SHOC2: variants seen among roughly 807,000 people sequenced by gnomAD.
SHOC2 encodes the protein leucine-rich repeat protein SHOC-2.
A neutral mutation model predicts 50.2 loss-of-function variants in SHOC2; 4 were observed. That is an observed-to-expected ratio of 0.08 (90% CI 0.04 to 0.18). SHOC2 has a LOEUF of 0.18. Ranked by LOEUF, SHOC2 falls within the 10% of genes least tolerant of loss-of-function variation. The probability of loss-of-function intolerance (pLI) is 1.00; values close to 1 mark genes in which losing one functional copy is unlikely to be tolerated. For missense variants in SHOC2, 388 were observed against 669.6 expected, an observed-to-expected ratio of 0.58 and a Z score of 4.64; for synonymous variants, 218 against 244.5, an observed-to-expected ratio of 0.89 and a Z score of 1.01.
intron 2 of SHOC2, among the ~76,000 whole-genome samples, chr10:110,973,068 A>T (rs1847812820): frequency 6.6e-6 from 1 of 152,200 alleles, no homozygotes; most frequent in Admixed American, 6.5e-5. Context: ...CTTTGCAATG[A>T]AAAGGAATAA....
chr10:110,936,096 T>A lies in SHOC2; in HGVS notation c.-235+16439T>A, dbSNP rs934745692. 3.0e-4 allele frequency among the ~76,000 whole-genome samples: 29 copies of A among 96,404 alleles called. No homozygotes were observed. In the South Asian group the frequency reaches 3.5e-3, roughly 12 times the overall value. 63.2% of individuals were successfully genotyped at this position (96,404 alleles called of 152,430 possible). A position where few individuals can be genotyped will look rare whatever the true frequency, so the allele number is the denominator to read the frequency against. On this transcript the variant is annotated intron_variant, in intron 1 of 8. Transcript: ENST00000369452. ...AGTACTCTAGATATTGCTTCACTGA[T>A]TTTTTTTTTTTTTTTTTGAGTCGGA...
Position 111,011,923 on chromosome 10 carries a change from T to C in SHOC2, c.*105T>C. 1.1e-6 allele frequency: 1 copy of C among 938,582 alleles called. No individual in the cohort carries two copies. The highest frequency in any genetic ancestry group is 1.7e-6 in the Non-Finnish European group (1 of 598,278). The allele number at this position is 938,582 out of a possible 1,614,324, so 58.1% of individuals were successfully genotyped here. On this transcript the variant is annotated 3_prime_UTR_variant, in exon 9 of 9. Transcript: ENST00000369452. ...TAGATATTGGTATATGGCAGATTTATAAAAATTGCATTATGTGTTTCTGCT... is the reference window on the plus strand; with the variant it reads ...TAGATATTGGTATATGGCAGATTTACAAAAATTGCATTATGTGTTTCTGCT...
rs1371982523 is a variant in SHOC2 at position 110,975,230 on chromosome 10, A to G, written c.703+10169A>G. 2.7e-5 allele frequency among the ~76,000 whole-genome samples: 4 copies of G among 149,582 alleles called. No individual in the cohort carries two copies. The Admixed American group carries it at 2.7e-4, about 10-fold the overall frequency. On this transcript the variant is annotated intron_variant, in intron 2 of 8. Coordinates refer to ENST00000369452, the MANE Select transcript of SHOC2 (RefSeq NM_007373.4). Reference sequence around the variant, plus strand: ...GAGTGCAGTGGCGCAGTCTTGGCTCACTGCAAGCTCCGCCTTCTGGGTTCA... The same window carrying G: ...GAGTGCAGTGGCGCAGTCTTGGCTCGCTGCAAGCTCCGCCTTCTGGGTTCA...
At chr10:110,957,629 C>G (rs909641894) in intron 1 of SHOC2, among the ~76,000 whole-genome samples, 2 of 148,094 alleles carry the variant, frequency 1.4e-5, no homozygotes, top group Admixed American at 7.0e-5. Flanking sequence ...TTATTAGGTT[C>G]ACTTTTTTCT....
intron 1 of SHOC2, among the ~76,000 whole-genome samples, chr10:110,924,740 A>G (rs1225195951): frequency 6.6e-6 from 1 of 152,188 alleles, no homozygotes; most frequent in African/African-American, 2.4e-5. Context: ...AACGTGGGGA[A>G]TAATTCCCAG....
At chr10:110,980,607 T>G (rs913225456) in intron 2 of SHOC2, among the ~76,000 whole-genome samples, 2 of 152,218 alleles carry the variant, frequency 1.3e-5, no homozygotes, top group Admixed American at 6.5e-5. Flanking sequence ...GAAAACAGAC[T>G]TTTTAGAACA....
At chr10:111,007,501 A>G (rs766834859) in intron 5 of SHOC2, 30 bp from the exon 6 acceptor site, 3 of 1,612,738 alleles carry the variant, frequency 1.9e-6, no homozygotes, top group Non-Finnish European at 2.5e-6. Flanking sequence ...TTGTGATTCT[A>G]CCTTGGATGC....
intron 3 of SHOC2, among the ~76,000 whole-genome samples, chr10:110,994,763 A>G (rs1848241736): frequency 2.0e-5 from 3 of 152,206 alleles, no homozygotes; most frequent in Non-Finnish European, 2.9e-5. Context: ...ACTATAAACC[A>G]TGGTTATCTA....
At chr10:110,986,166 A>G (rs1261367111) in intron 3 of SHOC2, among the ~76,000 whole-genome samples, 2 of 152,164 alleles carry the variant, frequency 1.3e-5, no homozygotes, top group South Asian at 2.1e-4. Flanking sequence ...AACATGGCCA[A>G]TATACTTTAA....
intron 2 of SHOC2, among the ~76,000 whole-genome samples, chr10:110,968,034 G>A (rs915726503): frequency 6.6e-6 from 1 of 152,064 alleles, no homozygotes; most frequent in African/African-American, 2.4e-5. Context: ...CTTTTTGAGG[G>A]ATTACTAGAC....
chr10:110,965,668 T>G (rs1467638834), intron 2 of SHOC2, among the ~76,000 whole-genome samples: 1 of 152,166 alleles, frequency 6.6e-6, no homozygotes. Context: ...CTGTTACCAT[T>G]TTGCTAATTT....
intron 2 of SHOC2, among the ~76,000 whole-genome samples, chr10:110,981,879 A>ATACTCTAC (rs1564721092): frequency 3.3e-4 from 1 of 3,016 alleles, no homozygotes; most frequent in African/African-American, 7.1e-4. Context: ...TATTTTTTTA[A>ATACTCTAC]GTTTTAGGGT....
chr10:110,944,384 C>CAA lies in SHOC2; in HGVS notation c.-234-19726_-234-19725dup, dbSNP rs11386096. On this transcript the variant is annotated intron_variant, in intron 1 of 8. Coordinates refer to ENST00000369452, the MANE Select transcript of SHOC2 (RefSeq NM_007373.4). ...AAATGAAAAGTATGTATCTTTGAGC[C>CAA]AAAAAAAAAAAAAAAAGCTGACTTA... Among the ~76,000 whole-genome samples, 833 of 135,738 alleles carry CAA rather than the reference C, an allele frequency of 6.1e-3. 8 individuals are homozygous for CAA. The highest frequency in any genetic ancestry group is 8.2e-3 in the Non-Finnish European group (519 of 63,670). The allele number at this position is 135,738 out of a possible 152,430, so 89.0% of individuals were successfully genotyped here.
chr10:110,993,293 G>A (rs1391102766), intron 3 of SHOC2, among the ~76,000 whole-genome samples: 1 of 152,208 alleles, frequency 6.6e-6, no homozygotes, highest in East Asian at 1.9e-4. Context: ...ATTGAGAGGG[G>A]TTAGAGCTGA....
chr10:110,936,206 C>A (rs961441368), intron 1 of SHOC2, among the ~76,000 whole-genome samples: 1 of 149,988 alleles, frequency 6.7e-6, no homozygotes, highest in African/African-American at 2.5e-5. Context: ...AAGTGATTTT[C>A]CAGCCTCAAC....
At chr10:110,925,791 C>T (rs1393863715) in intron 1 of SHOC2, among the ~76,000 whole-genome samples, 2 of 152,128 alleles carry the variant, frequency 1.3e-5, no homozygotes, top group Admixed American at 6.5e-5. Flanking sequence ...TCTTCCAGGG[C>T]GTATCATGTG....
intron 2 of SHOC2, among the ~76,000 whole-genome samples, chr10:110,974,625 T>C (rs1027617168): frequency 1.3e-5 from 2 of 152,220 alleles, no homozygotes; most frequent in African/African-American, 4.8e-5. Flanking sequence ...AAAAGTTTCA[T>C]TTATCTCAAC....
At chr10:110,960,497 A>G (rs943519087) in intron 1 of SHOC2, among the ~76,000 whole-genome samples, 2 of 152,142 alleles carry the variant, frequency 1.3e-5, no homozygotes, top group African/African-American at 4.8e-5. Flanking sequence ...CCTGGTTTTG[A>G]ATTTTTCCTT....
At chr10:110,924,329 A>G (rs73343849) in intron 1 of SHOC2, among the ~76,000 whole-genome samples, 3,213 of 152,342 alleles carry the variant, frequency 0.021, 115 homozygotes, top group African/African-American at 0.072. Flanking sequence ...ATACACTGGC[A>G]AACTCAGATG....
Sources: allele counts gnomAD v4.1 joint callset (sites outside exome capture counted in the v4.1 genomes callset), GRCh38; gene constraint gnomAD v4.1.1; transcripts MANE v1.5; gene names NCBI Gene and HGNC (gene_info 2026-07-23, HGNC 2026-07-21).